The following NRXN1 variants were observed in gnomAD, a reference collection of about 807,000 sequenced individuals.
NRXN1 encodes the protein neurexin 1.
NRXN1 carries 39 observed loss-of-function variants against 150.9 expected under a neutral mutation model. The observed-to-expected ratio is 0.26, with a 90% confidence interval of 0.20 to 0.34. NRXN1 has a LOEUF of 0.34. Among genes scored for constraint, NRXN1 ranks in the 10% least tolerant of loss-of-function variants. The pLI, the probability that NRXN1 is intolerant of heterozygous loss-of-function variation, is 1.00. For synonymous variants in NRXN1, 924 were observed against 757.0 expected (o/e 1.22, Z -3.62); for missense variants, 1,815 against 1,949.9 (o/e 0.93, Z 1.30).
chr2:50,487,211 T>C (rs140217829), intron 15 of NRXN1, among the ~76,000 whole-genome samples: 2 of 152,156 alleles, frequency 1.3e-5, no homozygotes, highest in East Asian at 3.9e-4. Flanking sequence ...ATGGTGATAG[T>C]GATATACCCT....
At chr2:50,411,264 G>C (rs374251900) in intron 17 of NRXN1, among the ~76,000 whole-genome samples, 10 of 152,332 alleles carry the variant, frequency 6.6e-5, no homozygotes, top group African/African-American at 2.2e-4. Flanking sequence ...CTGATGGCGA[G>C]TGATCTGCCA....
intron 17 of NRXN1, among the ~76,000 whole-genome samples, chr2:50,414,629 C>T (rs1255051415): frequency 6.6e-6 from 1 of 151,818 alleles, no homozygotes; most frequent in African/African-American, 2.4e-5. Flanking sequence ...TTAATTCATA[C>T]TAAAAATCAT....
At chr2:50,591,803 T>C (rs1329530952) in intron 8 of NRXN1, among the ~76,000 whole-genome samples, 2 of 152,236 alleles carry the variant, frequency 1.3e-5, no homozygotes, top group Non-Finnish European at 2.9e-5. Flanking sequence ...CCAGTGTGCA[T>C]GCTAAATACA....
At chr2:50,356,759 C>T (rs971900613) in intron 17 of NRXN1, among the ~76,000 whole-genome samples, 1 of 152,116 alleles carries the variant, frequency 6.6e-6, no homozygotes, top group African/African-American at 2.4e-5. Flanking sequence ...TTTCATTAGA[C>T]ATATGGTGTG....
At chr2:50,132,345 G>A (rs192606152) in intron 18 of NRXN1, among the ~76,000 whole-genome samples, 1,469 of 141,914 alleles carry the variant, frequency 0.01, 11 homozygotes, top group Non-Finnish European at 0.014. Context: ...TTGCTCTGTC[G>A]CCCAGGCTGG....
chr2:50,932,774 T>C (rs944624989), intron 2 of NRXN1, among the ~76,000 whole-genome samples: 1 of 152,002 alleles, frequency 6.6e-6, no homozygotes, highest in African/African-American at 2.4e-5. Context: ...ACACAAAATA[T>C]AACTACTGGT....
In NRXN1 at chr2:50,115,116, G is replaced by C. The variant is rs535452253; in HGVS notation, c.3547-23622C>G. ...GACTGTGCATGTGTAGGAGCAGAGA[G>C]TATTTGGAAAATCTTTGTAATTTCG... On this transcript the variant is annotated intron_variant, in intron 18 of 22. Coordinates refer to ENST00000401669, the MANE Select transcript of NRXN1 (RefSeq NM_001330078.2). Among the ~76,000 whole-genome samples the C allele has an allele frequency of 2.0e-5, 3 of 150,414 alleles. No homozygotes were observed. In the East Asian group the frequency reaches 5.9e-4, roughly 30 times the overall value.
chr2:50,629,435 T>C (rs1681828133), intron 5 of NRXN1, among the ~76,000 whole-genome samples: 1 of 151,672 alleles, frequency 6.6e-6, no homozygotes, highest in Non-Finnish European at 1.5e-5. Context: ...GCCTCTGTTG[T>C]TGTAAATCAA....
intron 21 of NRXN1, among the ~76,000 whole-genome samples, chr2:50,042,467 C>T (rs527767612): frequency 6.6e-6 from 1 of 152,262 alleles, no homozygotes; most frequent in East Asian, 1.9e-4. Flanking sequence ...CTGAGGCCTC[C>T]CCAGCCCTGC....
rs567477771 is a variant in NRXN1 at position 50,852,407 on chromosome 2, T to A, written c.832+69462A>T. ...GTCCCTCTTATTTCATTTTCTTTTGTTGTTACGTTAAAATAATCAAAAAAT... is the reference window on the plus strand; with the variant it reads ...GTCCCTCTTATTTCATTTTCTTTTGATGTTACGTTAAAATAATCAAAAAAT... On this transcript the variant is annotated intron_variant, in intron 5 of 22. Coordinates refer to ENST00000401669, the MANE Select transcript of NRXN1 (RefSeq NM_001330078.2). Among the ~76,000 whole-genome samples, 5 of 152,342 alleles carry A rather than the reference T, an allele frequency of 3.3e-5. No homozygotes were observed. In the South Asian group the frequency reaches 1.0e-3, roughly 32 times the overall value.
chr2:49,997,125 A>G (rs949919935), intron 21 of NRXN1, among the ~76,000 whole-genome samples: 1 of 152,186 alleles, frequency 6.6e-6, no homozygotes, highest in African/African-American at 2.4e-5. Context: ...TTTCGAACAC[A>G]GTACGTTTGA....
intron 2 of NRXN1, among the ~76,000 whole-genome samples, chr2:50,985,849 T>C (rs1315090165): frequency 6.6e-6 from 1 of 151,700 alleles, no homozygotes; most frequent in Non-Finnish European, 1.5e-5. Context: ...AAAAAGACTA[T>C]ATAATGGCTG....
chr2:50,823,699 C>A (rs1670050157), intron 5 of NRXN1, among the ~76,000 whole-genome samples: 1 of 152,032 alleles, frequency 6.6e-6, no homozygotes, highest in Non-Finnish European at 1.5e-5. Flanking sequence ...TTTATGGGTC[C>A]TAAAGAGCAC....
intron 19 of NRXN1, among the ~76,000 whole-genome samples, chr2:50,075,023 G>T (rs1458901702): frequency 6.6e-6 from 1 of 152,196 alleles, no homozygotes; most frequent in African/African-American, 2.4e-5. Flanking sequence ...TCTAATCCTA[G>T]ATTTCCTATT....
chr2:50,999,563 A>C (rs1388586562), intron 2 of NRXN1, among the ~76,000 whole-genome samples: 3 of 151,918 alleles, frequency 2.0e-5, no homozygotes, highest in East Asian at 3.9e-4. Context: ...CCCAGCTTTA[A>C]AATTTCTCTC....
At chr2:50,106,919 C>T (rs1220074922) in intron 18 of NRXN1, among the ~76,000 whole-genome samples, 1 of 151,912 alleles carries the variant, frequency 6.6e-6, no homozygotes, top group Non-Finnish European at 1.5e-5. Flanking sequence ...TAAGCCATTT[C>T]AATGCTTTTT....
At chr2:50,231,149 T>C (rs1049106276) in intron 18 of NRXN1, among the ~76,000 whole-genome samples, 1 of 152,096 alleles carries the variant, frequency 6.6e-6, no homozygotes, top group Non-Finnish European at 1.5e-5. Flanking sequence ...CTGAATACTA[T>C]ATGGCAAAGT....
chr2:50,433,563 ATT>A (rs11383115), intron 17 of NRXN1, among the ~76,000 whole-genome samples: 2 of 144,586 alleles, frequency 1.4e-5, no homozygotes, highest in Non-Finnish European at 1.5e-5. Flanking sequence ...GGAGGTAATA[ATT>A]TTTTTTTTTT....
intron 5 of NRXN1, among the ~76,000 whole-genome samples, chr2:50,686,137 AAAAC>A (rs1294656032): frequency 2.0e-5 from 3 of 152,194 alleles, no homozygotes; most frequent in South Asian, 2.1e-4. Context: ...CTTCTAGCAA[AAAAC>A]AAACAAAGAA....
Sources: gnomAD v4.1 joint callset for allele counts (sites outside exome capture counted in the v4.1 genomes callset) on GRCh38, gnomAD v4.1.1 for gene constraint, MANE v1.5 for transcripts, NCBI Gene and HGNC (gene_info 2026-07-23, HGNC 2026-07-21) for gene names.